The following SORBS2 variants were observed in gnomAD, a reference collection of about 807,000 sequenced individuals.
SORBS2 encodes sorbin and SH3 domain-containing protein 2.
Under a neutral mutation model 97.7 loss-of-function variants are expected in SORBS2, and 46 were observed. That is an observed-to-expected ratio of 0.47 (90% CI 0.37 to 0.60). The LOEUF (loss-of-function observed/expected upper bound fraction) is 0.60. SORBS2 is among the 20% of genes least tolerant of loss of function. The probability of loss-of-function intolerance (pLI) is 0.00; values close to 1 mark genes in which losing one functional copy is unlikely to be tolerated. For synonymous variants in SORBS2, 476 were observed against 473.4 expected (o/e 1.01, Z -0.07); for missense variants, 1,316 against 1,282.3 (o/e 1.03, Z -0.40).
At chr4:185,817,461 C>T (rs183372044) in intron 1 of SORBS2, among the ~76,000 whole-genome samples, 3 of 152,306 alleles carry the variant, frequency 2.0e-5, no homozygotes, top group Middle Eastern at 3.4e-3. Context: ...TGCTTTCATG[C>T]TCCTGTGAGG....
Position 185,623,629 on chromosome 4 carries a change from G to C in SORBS2, c.1500C>G (p.Ser500=). 1 of 1,614,070 alleles carries C rather than the reference G, an allele frequency of 6.2e-7. No individual in the cohort carries two copies. The highest frequency in any genetic ancestry group is 8.5e-7 in the Non-Finnish European group (1 of 1,180,032). ...ACACAACCCCGTCCTGGTCGCTGTC[G>C]GAAAACTCCACGTGTGCTCGGGGCT... The change falls in exon 7 of 15, where the codon TCC becomes TCG. Residue 500 remains serine, a synonymous_variant. Transcript: ENST00000418609. The surrounding 1 kb of genome is among the most constrained non-coding windows in gnomAD (Gnocchi z 6.4).
chr4:185,746,391 G>A (rs1294349302), intron 2 of SORBS2, among the ~76,000 whole-genome samples: 13 of 152,020 alleles, frequency 8.6e-5, no homozygotes, highest in African/African-American at 1.4e-4. Flanking sequence ...ATCTTGGCTC[G>A]CTGCAACCTC....
At chr4:185,879,258 G>A (rs1441749321) in intron 1 of SORBS2, among the ~76,000 whole-genome samples, 1 of 147,616 alleles carries the variant, frequency 6.8e-6, no homozygotes, top group African/African-American at 2.5e-5. Context: ...CTATGAGTGA[G>A]AACATGCGGT....
rs2097532641 is a variant in SORBS2 at position 185,662,189 on chromosome 4, G to C, written c.9C>G (p.Tyr3Ter). 1 of 1,613,898 alleles carries C rather than the reference G, an allele frequency of 6.2e-7. No individual in the cohort carries two copies. Among genetic ancestry groups the C allele is most frequent in the South Asian group, 1.1e-5 (1 of 91,004 alleles). Residue 3 changes from tyrosine (Y) to a stop codon, truncating the protein, a stop_gained, in exon 5 of 21, where the codon TAC (tyrosine) becomes TAG (stop). Transcript: ENST00000284776. LOFTEE classifies it high-confidence loss of function. Reference sequence around the variant, plus strand: ...CCGAGGGGGAAAACGGCCTCTGATAGTAACTCATGGGACTCACGGCACCTC... The same window carrying C: ...CCGAGGGGGAAAACGGCCTCTGATACTAACTCATGGGACTCACGGCACCTC...
chr4:185,619,926 A>G (rs1055609934), intron 8 of SORBS2, 137 bp downstream of exon 20: 4 of 704,338 alleles, frequency 5.7e-6, no homozygotes, highest in African/African-American at 3.5e-5. Flanking sequence ...TCAGGCCCCA[A>G]GGAAAATTGT....
intron 13 of SORBS2, among the ~76,000 whole-genome samples, chr4:185,590,768 G>A (rs913868783): frequency 9.9e-5 from 15 of 152,142 alleles, no homozygotes; most frequent in African/African-American, 3.4e-4. Flanking sequence ...GAAAATGAAG[G>A]CGAAATTACT....
At chr4:185,947,897 C>T (rs574987709) in intron 1 of SORBS2, among the ~76,000 whole-genome samples, 265 of 151,876 alleles carry the variant, frequency 1.7e-3, no homozygotes, top group Non-Finnish European at 2.9e-3. Flanking sequence ...AGGCGTGAGC[C>T]ACTACGCCCC....
chr4:185,799,079 A>C (rs1423456087), intron 1 of SORBS2, among the ~76,000 whole-genome samples: 1 of 152,244 alleles, frequency 6.6e-6, no homozygotes, highest in Non-Finnish European at 1.5e-5. Flanking sequence ...TACCTTCCCG[A>C]AGTATCCATC....
chr4:185,895,518 G>A (rs1247918177), intron 1 of SORBS2, among the ~76,000 whole-genome samples: 4 of 152,208 alleles, frequency 2.6e-5, no homozygotes, highest in Non-Finnish European at 5.9e-5. Flanking sequence ...CGGTCATGGC[G>A]CCCGGGCGAC....
At chr4:185,757,582 C>T (rs1453959472) in intron 2 of SORBS2, among the ~76,000 whole-genome samples, 1 of 152,114 alleles carries the variant, frequency 6.6e-6, no homozygotes, top group Non-Finnish European at 1.5e-5. Context: ...TGCTTTATAC[C>T]AACATCACAA....
chr4:185,856,430 A>G (rs191420145), intron 1 of SORBS2, among the ~76,000 whole-genome samples: 2 of 152,324 alleles, frequency 1.3e-5, no homozygotes, highest in East Asian at 3.9e-4. Flanking sequence ...GAGACACACA[A>G]TAGAAGTCAC....
chr4:185,659,751 A>G (rs937047799), upstream of SORBS2, among the ~76,000 whole-genome samples: 1 of 152,148 alleles, frequency 6.6e-6, no homozygotes, highest in African/African-American at 2.4e-5. Flanking sequence ...ACGGTGAGAT[A>G]TTTGACACTA....
chr4:185,835,865 GA>G (rs1331509030), intron 1 of SORBS2, among the ~76,000 whole-genome samples: 1 of 151,980 alleles, frequency 6.6e-6, no homozygotes, highest in African/African-American at 2.4e-5. Flanking sequence ...TTTCCCTGAA[GA>G]AGTCCCATAA....
At chr4:185,614,332 G>A (rs2096595582) in intron 11 of SORBS2, among the ~76,000 whole-genome samples, 1 of 151,682 alleles carries the variant, frequency 6.6e-6, no homozygotes, top group African/African-American at 2.4e-5. Context: ...CAATTATGAG[G>A]CCCAAAGAAG....
At chr4:185,611,342 A>T (rs1561395115) in intron 12 of SORBS2, among the ~76,000 whole-genome samples, 1 of 151,850 alleles carries the variant, frequency 6.6e-6, no homozygotes, top group East Asian at 1.9e-4. Context: ...ATTTCAAATT[A>T]TAAATCACAA....
At chr4:185,613,789 C>CAGGA (rs1340710672) in intron 11 of SORBS2, among the ~76,000 whole-genome samples, 1 of 151,774 alleles carries the variant, frequency 6.6e-6, no homozygotes, top group Non-Finnish European at 1.5e-5. Flanking sequence ...GAACATGGAA[C>CAGGA]AGGAGACAGA....
chr4:185,613,504 C>T (rs904542580), intron 11 of SORBS2, among the ~76,000 whole-genome samples: 12 of 142,970 alleles, frequency 8.4e-5, no homozygotes, highest in South Asian at 4.3e-4. Flanking sequence ...AAAAATTAGC[C>T]GGGTGTGGTG....
chr4:185,627,424 C>T (rs2096834168), intron 5 of SORBS2, among the ~76,000 whole-genome samples: 1 of 152,108 alleles, frequency 6.6e-6, no homozygotes. Context: ...CACTATGTTG[C>T]CCAGGCTGGT....
At chr4:185,786,252 G>A (rs1025501716) in intron 1 of SORBS2, among the ~76,000 whole-genome samples, 3 of 152,046 alleles carry the variant, frequency 2.0e-5, no homozygotes, top group African/African-American at 7.2e-5. Flanking sequence ...TCCTATGATT[G>A]ACATAACAGT....
Sources: allele counts gnomAD v4.1 joint callset (sites outside exome capture counted in the v4.1 genomes callset), GRCh38; gene constraint gnomAD v4.1.1; non-coding constraint Gnocchi (gnomAD v3.1); transcripts MANE v1.5; gene names NCBI Gene and HGNC (gene_info 2026-07-23, HGNC 2026-07-21).